The following CA6 variants were observed in gnomAD, a reference collection of about 807,000 sequenced individuals.
The protein encoded by CA6 is carbonate dehydratase VI.
CA6 carries 28 observed loss-of-function variants against 35.9 expected under a neutral mutation model. That is an observed-to-expected ratio of 0.78 (90% CI 0.58 to 1.07). The LOEUF (loss-of-function observed/expected upper bound fraction) is 1.07, where lower values mean the gene tolerates loss of function less well. Ranked by LOEUF, CA6 falls within the 50% of genes least tolerant of loss-of-function variation. The pLI is 0.00. For synonymous variants in CA6, 148 were observed against 152.6 expected (o/e 0.97, Z 0.22); for missense variants, 377 against 382.0 (o/e 0.99, Z 0.11).
In CA6 at chr1:8,957,170, C is replaced by T. The variant is rs763556903; in HGVS notation, c.293C>T (p.Thr98Ile). ...AGCCTGCCCTCCACCATGCGCATGA[C>T]AGTGGCTGACGGCACTGTATACATA... ...QISLPSTMRM[T>I]VADGTVYIAQ... is the part of the protein sequence containing the mutation. Residue 98 changes from threonine (T) to isoleucine (I), a missense_variant, in exon 3 of 8, where the codon ACA (threonine) becomes ATA (isoleucine). Thr to Ile is a moderately conservative substitution (Grantham distance 89). Transcript: ENST00000377443. 1 of 1,613,510 alleles carries T rather than the reference C, an allele frequency of 6.2e-7. No homozygotes were observed. The highest frequency in any genetic ancestry group is 1.7e-5 in the Admixed American group (1 of 59,924).
intron 2 of CA6, among the ~76,000 whole-genome samples, chr1:8,950,268 G>A (rs1222567367): frequency 1.3e-5 from 2 of 152,036 alleles, no homozygotes; most frequent in Non-Finnish European, 2.9e-5. Context: ...ACAGGCACGA[G>A]CCACCATGCC....
At chr1:8,961,994 CT>C (rs1288915162) in intron 4 of CA6, among the ~76,000 whole-genome samples, 1 of 152,152 alleles carries the variant, frequency 6.6e-6, no homozygotes, top group Non-Finnish European at 1.5e-5. Flanking sequence ...AATCCCAGCA[CT>C]TTGGGAGGCC....
chr1:8,969,968 G>C (rs1408250553), intron 6 of CA6, among the ~76,000 whole-genome samples: 1 of 152,120 alleles, frequency 6.6e-6, no homozygotes, highest in Non-Finnish European at 1.5e-5. Context: ...CCAGCACTAT[G>C]GGAGGCTGAG....
At chr1:8,954,292 G>C (rs1639617487) in intron 2 of CA6, among the ~76,000 whole-genome samples, 1 of 151,344 alleles carries the variant, frequency 6.6e-6, no homozygotes, top group Non-Finnish European at 1.5e-5. Flanking sequence ...AGCCTCCCAA[G>C]TAGCTGGGTT....
intron 2 of CA6, chr1:8,952,501 G>T (rs551998909): frequency 2.0e-5 from 3 of 152,150 alleles, no homozygotes; most frequent in African/African-American, 7.2e-5. Flanking sequence ...TATTGCCATT[G>T]GCTACTTTTC....
At chr1:8,959,670 A>G (rs993735136) in intron 4 of CA6, among the ~76,000 whole-genome samples, 2 of 151,606 alleles carry the variant, frequency 1.3e-5, no homozygotes, top group African/African-American at 4.8e-5. Context: ...GGTGGCTCAC[A>G]TCTGTAATCC....
At chr1:8,974,460 A>G in intron 7 of CA6, 162 bp from the exon 8 acceptor site, 1 of 1,514,408 alleles carries the variant, frequency 6.6e-7, no homozygotes, top group Non-Finnish European at 8.8e-7. Flanking sequence ...AACACAGTGA[A>G]GATGACTAAA....
At chr1:8,969,104 A>G (rs1269971730) in intron 6 of CA6, among the ~76,000 whole-genome samples, 1 of 152,032 alleles carries the variant, frequency 6.6e-6, no homozygotes, top group Non-Finnish European at 1.5e-5. Flanking sequence ...TCACGAGGTC[A>G]GGGGTTCGAG....
At chr1:8,974,222 G>A (rs542236981) in intron 7 of CA6, 6 of 594,822 alleles carry the variant, frequency 1.0e-5, no homozygotes, top group African/African-American at 9.4e-5. Context: ...TCCCAGCGGG[G>A]TTGATATGAT....
chr1:8,969,785 A>T (rs1640060510), intron 6 of CA6, among the ~76,000 whole-genome samples: 2 of 152,288 alleles, frequency 1.3e-5, no homozygotes, highest in South Asian at 4.1e-4. Flanking sequence ...TTAGACAGAG[A>T]GTTGATTTAA....
rs887219680 is a variant in CA6 at position 8,963,271 on chromosome 1, C to T, written c.571+615C>T. 6.6e-6 allele frequency among the ~76,000 whole-genome samples: 1 copy of T among 152,116 alleles called. No individual in the cohort carries two copies. The highest frequency in any genetic ancestry group is 2.4e-5 in the African/African-American group (1 of 41,422). On this transcript the variant is annotated intron_variant, in intron 5 of 7. Coordinates refer to ENST00000377443, the MANE Select transcript of CA6 (RefSeq NM_001215.4). This position sits in a 1 kb window ranked among gnomAD's most constrained non-coding sequence, Gnocchi z 4.1. ...CTGCAATTCACCTGACCGGAGTCCT[C>T]CAAACCTGGGGCTTCCACATTCTTG...
chr1:8,949,357 G>A lies in CA6; in HGVS notation c.174G>A (p.Arg58=). 6.2e-7 allele frequency: 1 copy of A among 1,613,428 alleles called. No homozygotes were observed. The highest frequency in any genetic ancestry group is 8.5e-7 in the Non-Finnish European group (1 of 1,179,620). Reference sequence around the variant, plus strand: ...TCAACCTACAGAGGACGAAGGTGCGGTACAACCCCTCCTTGAAGGGGCTCA... The same window carrying A: ...TCAACCTACAGAGGACGAAGGTGCGATACAACCCCTCCTTGAAGGGGCTCA... ...SPINLQRTKV[R]YNPSLKGLNM... The change falls in exon 2 of 8, where the codon CGG becomes CGA. Residue 58 remains arginine, a synonymous_variant. Coordinates refer to ENST00000377443, the MANE Select transcript of CA6 (RefSeq NM_001215.4).
rs201707059 is a variant in CA6 at position 8,958,956 on chromosome 1, C to T, written c.455C>T (p.Ala152Val). 8.7e-6 allele frequency: 14 copies of T among 1,612,894 alleles called. No homozygotes were observed. Among genetic ancestry groups the T allele is most frequent in the African/African-American group, 8.0e-5 (6 of 74,898 alleles). The stretch of plus-strand genomic sequence containing the variant: ...TCTAAATACAAGAGCTATGATATAG[C>T]CCAAGATGCGCCGGATGGTTTGGCT... ...YNSKYKSYDI[A>V]QDAPDGLAVL... The change falls in exon 4 of 8, where the codon GCC becomes GTC. Residue 152 changes from alanine to valine, a missense_variant. Coordinates refer to ENST00000377443, the MANE Select transcript of CA6 (RefSeq NM_001215.4).
intron 2 of CA6, among the ~76,000 whole-genome samples, chr1:8,951,231 A>T (rs1236985988): frequency 7.9e-6 from 1 of 126,254 alleles, no homozygotes; most frequent in Non-Finnish European, 1.7e-5. Flanking sequence ...AAAAAAAAAA[A>T]AAGAAAGAAA....
chr1:8,950,001 A>G (rs570599986), intron 2 of CA6, among the ~76,000 whole-genome samples: 1 of 152,006 alleles, frequency 6.6e-6, no homozygotes, highest in South Asian at 2.1e-4. Context: ...TTTTTTTGAG[A>G]CAGAGTCTCA....
In CA6 at chr1:8,957,124, C is replaced by A. The variant is rs774710458; in HGVS notation, c.260-13C>A. 2 of 1,588,286 alleles carry A rather than the reference C, an allele frequency of 1.3e-6. No homozygotes were observed. Among genetic ancestry groups the A allele is most frequent in the Non-Finnish European group, 8.6e-7 (1 of 1,163,552 alleles). ...TCACCTACTCTGCTCTCAGCCCCAC[C>A]TTGTCTCTCCAGTGCAGATCAGCCT... On this transcript the variant is annotated splice_polypyrimidine_tract_variant and intron_variant, in intron 2 of 7. Coordinates refer to ENST00000377443, the MANE Select transcript of CA6 (RefSeq NM_001215.4).
intron 4 of CA6, among the ~76,000 whole-genome samples, chr1:8,959,605 G>A (rs998510327): frequency 2.5e-4 from 38 of 151,762 alleles, no homozygotes; most frequent in Admixed American, 1.7e-3. Flanking sequence ...TGAGCCACCA[G>A]GCCCAGTCAA....
intron 7 of CA6, among the ~76,000 whole-genome samples, chr1:8,972,292 C>A (rs1233086947): frequency 6.6e-6 from 1 of 152,162 alleles, no homozygotes; most frequent in Non-Finnish European, 1.5e-5. Flanking sequence ...CACAAGCAAT[C>A]CTCCCCCCTC....
intron 2 of CA6, among the ~76,000 whole-genome samples, chr1:8,955,664 G>T (rs896206106): frequency 4.0e-5 from 4 of 100,690 alleles, no homozygotes; most frequent in Admixed American, 1.0e-4. Context: ...AGGCCCTTCC[G>T]TCCTTTTCTT....
Sources: gnomAD v4.1 joint callset for allele counts (sites outside exome capture counted in the v4.1 genomes callset) on GRCh38, gnomAD v4.1.1 for gene constraint, Gnocchi (gnomAD v3.1) non-coding constraint, MANE v1.5 for transcripts, NCBI Gene and HGNC (gene_info 2026-07-23, HGNC 2026-07-21) for gene names.